Variants in GSG1L observed in about 807,000 individuals in gnomAD.
GSG1L encodes the protein GSG1 like, also known as germ cell-specific gene 1-like protein.
A neutral mutation model predicts 42.1 loss-of-function variants in GSG1L; 24 were observed. The ratio of observed to expected loss-of-function variants is 0.57; its 90% CI spans 0.41 to 0.80. GSG1L has a LOEUF of 0.80. GSG1L is among the 30% of genes least tolerant of loss of function. GSG1L has a pLI of 0.00. For missense variants in GSG1L, 445 were observed against 472.2 expected, an observed-to-expected ratio of 0.94 and a Z score of 0.53; for synonymous variants, 215 against 203.5, an observed-to-expected ratio of 1.06 and a Z score of -0.48.
intron 3 of GSG1L, among the ~76,000 whole-genome samples, chr16:27,851,685 T>C (rs1237539992): frequency 6.6e-6 from 1 of 152,146 alleles, no homozygotes; most frequent in Non-Finnish European, 1.5e-5. Context: ...TTGCTTGTTG[T>C]GTGAGATCCG....
chr16:27,915,196 TACACACACACACACACACAC>T (rs66820312), intron 2 of GSG1L, among the ~76,000 whole-genome samples: 4 of 121,782 alleles, frequency 3.3e-5, no homozygotes, highest in African/African-American at 9.3e-5. Context: ...CCAGAGGATG[TACACACACACACACACACAC>T]ACACACACAC....
intron 2 of GSG1L, among the ~76,000 whole-genome samples, chr16:27,885,209 G>A (rs2084013356): frequency 1.3e-5 from 2 of 152,140 alleles, no homozygotes; most frequent in South Asian, 4.1e-4. Context: ...GAGTGCAGTG[G>A]TGCAATCACG....
intron 2 of GSG1L, among the ~76,000 whole-genome samples, chr16:27,955,941 G>A (rs2084999668): frequency 6.6e-6 from 1 of 151,506 alleles, no homozygotes; most frequent in South Asian, 2.1e-4. Flanking sequence ...AGGAAGGAAG[G>A]AAGGGAGGAA....
intron 2 of GSG1L, among the ~76,000 whole-genome samples, chr16:27,907,263 G>A (rs774471677): frequency 3.1e-4 from 47 of 152,188 alleles, no homozygotes; most frequent in Non-Finnish European, 1.3e-4. Flanking sequence ...CGAGCAGAGA[G>A]AGAATGGCTG....
chr16:28,030,753 T>TG (rs1195255121), intron 1 of GSG1L, among the ~76,000 whole-genome samples: 6 of 136,858 alleles, frequency 4.4e-5, no homozygotes, highest in African/African-American at 1.4e-4. Context: ...TGGGTTAGGA[T>TG]GGAATGGGAT....
At chr16:28,037,035 G>A (rs2086047132) in intron 1 of GSG1L, among the ~76,000 whole-genome samples, 1 of 152,110 alleles carries the variant, frequency 6.6e-6, no homozygotes, top group Admixed American at 6.6e-5. Context: ...TTTGGTTTTG[G>A]GGTTTTTTTG....
intron 3 of GSG1L, among the ~76,000 whole-genome samples, chr16:27,855,483 G>T (rs2083566435): frequency 6.6e-6 from 1 of 152,120 alleles, no homozygotes; most frequent in Non-Finnish European, 1.5e-5. Flanking sequence ...ACTTTGGGAG[G>T]CAGAGGTGCA....
intron 3 of GSG1L, among the ~76,000 whole-genome samples, chr16:27,862,272 A>T (rs2083663681): frequency 6.6e-6 from 1 of 152,176 alleles, no homozygotes; most frequent in Non-Finnish European, 1.5e-5. Context: ...CAAGGCAAGG[A>T]ACTGAAGGTG....
intron 1 of GSG1L, among the ~76,000 whole-genome samples, chr16:28,005,610 G>A (rs1025340454): frequency 7.0e-6 from 1 of 142,658 alleles, no homozygotes; most frequent in Non-Finnish European, 1.6e-5. Context: ...GGAGTTCAAC[G>A]TATGAATGGT....
rs2082738556 is a variant in GSG1L at position 27,790,465 on chromosome 16, C to T, written c.*905G>A. 6.6e-6 allele frequency: 1 copy of T among 152,170 alleles called. No individual in the cohort carries two copies. Among genetic ancestry groups the T allele is most frequent in the Non-Finnish European group, 1.5e-5 (1 of 68,044 alleles). 9.4% of individuals were successfully genotyped at this position (152,170 alleles called of 1,614,324 possible). A position where few individuals can be genotyped will look rare whatever the true frequency, so the allele number is the denominator to read the frequency against. The stretch of plus-strand genomic sequence containing the variant: ...CATTCATCTCTGTGACCCTAATTTT[C>T]CTCCTCTTTATAATAAGAATCTGTT... On this transcript the variant is annotated 3_prime_UTR_variant, in exon 7 of 7. Coordinates refer to ENST00000447459, the MANE Select transcript of GSG1L (RefSeq NM_001109763.2).
intron 1 of GSG1L, among the ~76,000 whole-genome samples, chr16:28,018,740 C>CA (rs1416109328): frequency 1.3e-5 from 2 of 152,014 alleles, no homozygotes; most frequent in Non-Finnish European, 2.9e-5. Context: ...GTCCTGAGAT[C>CA]AGTCAAATAA....
chr16:27,899,316 C>T (rs537689451), intron 2 of GSG1L, among the ~76,000 whole-genome samples: 2 of 152,354 alleles, frequency 1.3e-5, no homozygotes, highest in South Asian at 2.1e-4. Flanking sequence ...AGGCAAACCC[C>T]GGCTGTGCTA....
At chr16:28,053,423 TCC>T (rs2086241270) in intron 1 of GSG1L, among the ~76,000 whole-genome samples, 1 of 152,112 alleles carries the variant, frequency 6.6e-6, no homozygotes. Context: ...GCCCCCATCC[TCC>T]AAACACTGCA....
At chr16:27,968,571 C>T (rs112990439) in intron 1 of GSG1L, among the ~76,000 whole-genome samples, 8 of 152,144 alleles carry the variant, frequency 5.3e-5, no homozygotes, top group Admixed American at 2.0e-4. Flanking sequence ...TTCATGGGCC[C>T]GTAGAATTTT....
chr16:27,906,532 C>T (rs867215371), intron 2 of GSG1L, among the ~76,000 whole-genome samples: 6 of 152,102 alleles, frequency 3.9e-5, no homozygotes, highest in Admixed American at 2.6e-4. Flanking sequence ...TCCTGGGTCC[C>T]TAGGAGATCA....
chr16:27,905,557 T>A (rs899215384), intron 2 of GSG1L, among the ~76,000 whole-genome samples: 1 of 152,098 alleles, frequency 6.6e-6, no homozygotes, highest in African/African-American at 2.4e-5. Context: ...CCTCAAGCAG[T>A]CCTCCCACAG....
intron 2 of GSG1L, among the ~76,000 whole-genome samples, chr16:27,899,285 C>T (rs1451295394): frequency 6.6e-6 from 1 of 152,224 alleles, no homozygotes; most frequent in Non-Finnish European, 1.5e-5. Context: ...AGGGCACGGC[C>T]TGGGGAGCCA....
At chr16:27,889,604 T>A (rs2084100032) in intron 2 of GSG1L, among the ~76,000 whole-genome samples, 1 of 152,162 alleles carries the variant, frequency 6.6e-6, no homozygotes. Flanking sequence ...ATTTCTCTCT[T>A]AGCCGCCATC....
intron 2 of GSG1L, among the ~76,000 whole-genome samples, chr16:27,946,894 C>T (rs145192524): frequency 5.3e-5 from 8 of 152,290 alleles, no homozygotes; most frequent in African/African-American, 1.9e-4. Flanking sequence ...TTGAGCCAGA[C>T]GTTGTGCTAA....
Sources: gnomAD v4.1 joint callset for allele counts (sites outside exome capture counted in the v4.1 genomes callset) on GRCh38, gnomAD v4.1.1 for gene constraint, MANE v1.5 for transcripts, NCBI Gene and HGNC (gene_info 2026-07-23, HGNC 2026-07-21) for gene names.